DCAF8L2: variants seen among roughly 807,000 people sequenced by gnomAD.
DCAF8L2 encodes DDB1- and CUL4-associated factor 8-like protein 2.
For missense variants in DCAF8L2, 430 were observed against 490.7 expected, an observed-to-expected ratio of 0.88 and a Z score of 1.17; for synonymous variants, 200 against 190.9, an observed-to-expected ratio of 1.05 and a Z score of -0.39.
At chrX:27,569,117 G>A in the DCAF8L2 span, among the ~76,000 whole-genome samples, 7,032 of 111,054 alleles carry the variant, frequency 0.063, 563 homozygotes, top group African/African-American at 0.22. Flanking sequence ...CAAAGATGAA[G>A]AGGATATTGC....
At chrX:27,737,712 CT>C (rs57138539) in intron 4 of DCAF8L2, among the ~76,000 whole-genome samples, 33,042 of 94,041 alleles carry the variant, frequency 0.35, 4,219 homozygotes, top group Middle Eastern at 0.46. Flanking sequence ...TATAGAGAAT[CT>C]TTTTTTTTTT....
At chrX:27,737,207 A>C (rs1921578148) in intron 4 of DCAF8L2, among the ~76,000 whole-genome samples, 1 of 111,914 alleles carries the variant, frequency 8.9e-6, no homozygotes. Flanking sequence ...AACTTTTAAG[A>C]GTGTAAAGGC....
the DCAF8L2 span, among the ~76,000 whole-genome samples, chrX:27,512,798 A>AAAAAC: frequency 1.0e-5 from 1 of 97,639 alleles, no homozygotes; most frequent in African/African-American, 3.8e-5. Flanking sequence ...AAAAAAAAAA[A>AAAAAC]AAAAAAAAAA....
At chrX:27,713,239 G>T (rs1931588582) in intron 3 of DCAF8L2, among the ~76,000 whole-genome samples, 1 of 111,757 alleles carries the variant, frequency 8.9e-6, no homozygotes, top group Non-Finnish European at 1.9e-5. Flanking sequence ...AAGGAAAAAA[G>T]ACTGAGAATA....
chrX:27,528,495 TATATATAC>T, the DCAF8L2 span, among the ~76,000 whole-genome samples: 2 of 102,998 alleles, frequency 1.9e-5, no homozygotes, highest in African/African-American at 7.0e-5. Context: ...TATATATATA[TATATATAC>T]ACACACACAC....
At chrX:27,505,571 A>G in the DCAF8L2 span, among the ~76,000 whole-genome samples, 1 of 111,759 alleles carries the variant, frequency 8.9e-6, no homozygotes, top group Admixed American at 9.6e-5. Flanking sequence ...ACACAATAGT[A>G]TGGTAGGTTT....
chrX:27,604,545 G>A (rs1230574710), intron 1 of DCAF8L2, among the ~76,000 whole-genome samples: 2 of 111,419 alleles, frequency 1.8e-5, no homozygotes, highest in Admixed American at 1.9e-4. Flanking sequence ...AGGTATGGAC[G>A]TTGCAGAAAC....
chrX:27,483,452 A>T, the DCAF8L2 span, among the ~76,000 whole-genome samples: 1 of 112,202 alleles, frequency 8.9e-6, no homozygotes, highest in Non-Finnish European at 1.9e-5. Context: ...GTAGCAAAAA[A>T]TTTTAACGAA....
the DCAF8L2 span, among the ~76,000 whole-genome samples, chrX:27,482,350 C>A: frequency 4.5e-5 from 5 of 111,265 alleles, no homozygotes; most frequent in Non-Finnish European, 9.4e-5. Context: ...ATGCTAATTC[C>A]AAACTTAAGT....
chrX:27,528,741 A>G, the DCAF8L2 span, among the ~76,000 whole-genome samples: 1 of 110,484 alleles, frequency 9.1e-6, no homozygotes, highest in Non-Finnish European at 1.9e-5. Context: ...CTTTATTTTG[A>G]TCAACCTAGT....
At chrX:27,561,067 G>A in the DCAF8L2 span, among the ~76,000 whole-genome samples, 1 of 112,158 alleles carries the variant, frequency 8.9e-6, no homozygotes, top group African/African-American at 3.2e-5. Context: ...GCTGCTTTTA[G>A]ACTTGAAAAG....
At chrX:27,674,291 T>C (rs1930065789) in intron 2 of DCAF8L2, among the ~76,000 whole-genome samples, 2 of 111,833 alleles carry the variant, frequency 1.8e-5, no homozygotes, top group Admixed American at 1.9e-4. Flanking sequence ...ATTTCCAAAA[T>C]AAATACTGAT....
chrX:27,555,495 A>G, the DCAF8L2 span, among the ~76,000 whole-genome samples: 1 of 112,001 alleles, frequency 8.9e-6, no homozygotes. Flanking sequence ...TTCAACATGG[A>G]TCATTTAGCT....
chrX:27,599,593 G>C (rs1189121533), intron 1 of DCAF8L2, among the ~76,000 whole-genome samples: 1 of 111,191 alleles, frequency 9.0e-6, no homozygotes, highest in Non-Finnish European at 1.9e-5. Context: ...AGAATTTTGG[G>C]AGGTGATGGA....
At chrX:27,736,999 A>G (rs1024653469) in intron 4 of DCAF8L2, among the ~76,000 whole-genome samples, 1 of 111,956 alleles carries the variant, frequency 8.9e-6, no homozygotes, top group East Asian at 2.8e-4. Context: ...TTGTAAAACA[A>G]TGCCAATCTC....
At chrX:27,497,486 C>T in the DCAF8L2 span, among the ~76,000 whole-genome samples, 1 of 93,936 alleles carries the variant, frequency 1.1e-5, no homozygotes, top group Non-Finnish European at 2.1e-5. Context: ...TTGCCCTTGG[C>T]AAACACCATT....
At chrX:27,528,476 G>GTATATATATATATATATA in the DCAF8L2 span, among the ~76,000 whole-genome samples, 4 of 83,450 alleles carry the variant, frequency 4.8e-5, no homozygotes, top group African/African-American at 1.7e-4. Flanking sequence ...ATGTGTATGT[G>GTATATATATATATATATA]TATATATATA....
At chrX:27,495,530 T>C in the DCAF8L2 span, among the ~76,000 whole-genome samples, 9,487 of 111,851 alleles carry the variant, frequency 0.085, 387 homozygotes, top group Non-Finnish European at 0.13. Flanking sequence ...AATTTTCTAA[T>C]CCATTAACAT....
At chrX:27,663,262 A>G (rs1012047948) in intron 2 of DCAF8L2, among the ~76,000 whole-genome samples, 1 of 112,193 alleles carries the variant, frequency 8.9e-6, no homozygotes, top group African/African-American at 3.2e-5. Context: ...GACATAACTC[A>G]TTTTATAGTG....
Sources: allele counts gnomAD v4.1 joint callset (sites outside exome capture counted in the v4.1 genomes callset), GRCh38; gene constraint gnomAD v4.1.1; transcripts MANE v1.5; gene names NCBI Gene and HGNC (gene_info 2026-07-23, HGNC 2026-07-21).